The following DHRS9 variants were observed in gnomAD, a reference collection of about 807,000 sequenced individuals.
DHRS9 encodes the protein dehydrogenase/reductase 9.
In DHRS9, 18 loss-of-function variants were observed where a neutral mutation model predicts 26.6. The observed-to-expected ratio is 0.68, with a 90% CI of 0.47 to 1.00. The LOEUF is 1.00. DHRS9 is among the 50% of genes least tolerant of loss of function. The pLI, the probability that DHRS9 is intolerant of heterozygous loss-of-function variation, is 0.00. For missense variants in DHRS9, 425 were observed against 378.7 expected, an observed-to-expected ratio of 1.12 and a Z score of -1.01; for synonymous variants, 134 against 141.1, an observed-to-expected ratio of 0.95 and a Z score of 0.36.
At chr2:169,077,767 A>G (rs1271661218) in intron 1 of DHRS9, among the ~76,000 whole-genome samples, 1 of 152,190 alleles carries the variant, frequency 6.6e-6, no homozygotes, top group Non-Finnish European at 1.5e-5. Flanking sequence ...AGGGGCTGGT[A>G]ACCCAGTTTC....
upstream of DHRS9, among the ~76,000 whole-genome samples, chr2:169,068,674 T>C (rs1043620486): frequency 1.3e-5 from 2 of 152,228 alleles, no homozygotes; most frequent in Non-Finnish European, 2.9e-5. Flanking sequence ...TAGACAGATA[T>C]GTTCATTCAT....
At chr2:169,074,291 G>A (rs1039917728) in intron 1 of DHRS9, 77 of 985,408 alleles carry the variant, frequency 7.8e-5, no homozygotes, top group Middle Eastern at 1.0e-3. Context: ...TAATTTGTCC[G>A]AGGGCCCTCT....
At chr2:169,072,520 G>A in intron 1 of DHRS9, 1 of 668,604 alleles carries the variant, frequency 1.5e-6, no homozygotes, top group African/African-American at 2.0e-5. Flanking sequence ...AAGAAACAGA[G>A]GAAGGTGAAT....
intron 1 of DHRS9, among the ~76,000 whole-genome samples, chr2:169,079,585 G>A (rs1276272076): frequency 1.3e-5 from 2 of 151,906 alleles, no homozygotes; most frequent in Non-Finnish European, 2.9e-5. Context: ...TGGGCGTGGT[G>A]GCTCACGCCT....
At chr2:169,084,777 G>A (rs1177730317) in intron 3 of DHRS9, among the ~76,000 whole-genome samples, 1 of 152,092 alleles carries the variant, frequency 6.6e-6, no homozygotes, top group African/African-American at 2.4e-5. Context: ...CCCATTCTAT[G>A]TGTTGTCTTT....
At chr2:169,070,888 C>A in intron 1 of DHRS9, 2 of 323,194 alleles carry the variant, frequency 6.2e-6, no homozygotes, top group Non-Finnish European at 8.9e-6. Context: ...CACGGTGAAA[C>A]CTGGTCTCTA....
chr2:169,087,296 G>C (rs1327376018), intron 3 of DHRS9, among the ~76,000 whole-genome samples: 1 of 152,148 alleles, frequency 6.6e-6, no homozygotes, highest in Non-Finnish European at 1.5e-5. Context: ...GCCTGGCTAT[G>C]ACCAATGTTT....
At chr2:169,078,408 G>T (rs1684029301) in intron 1 of DHRS9, among the ~76,000 whole-genome samples, 1 of 152,184 alleles carries the variant, frequency 6.6e-6, no homozygotes, top group Non-Finnish European at 1.5e-5. Flanking sequence ...AGACTGCAAT[G>T]AAAGCTGCAG....
chr2:169,081,816 A>G lies in DHRS9; in HGVS notation c.235A>G (p.Thr79Ala). 6.2e-7 allele frequency: 1 copy of G among 1,614,196 alleles called. No homozygotes were observed. Among genetic ancestry groups the G allele is most frequent in the Non-Finnish European group, 8.5e-7 (1 of 1,180,034 alleles). Residue 79 changes from threonine (T) to alanine (A), a missense_variant, in exon 2 of 5, where the codon ACT (threonine) becomes GCT (alanine). Thr to Ala is a moderately conservative substitution (Grantham distance 58). Coordinates refer to ENST00000674881, the MANE Select transcript of DHRS9 (RefSeq NM_001376924.1). ...GGCAGAAACCTCAGAGAGACTTCGT[A>G]CTGTGCTTCTGGATGTGACCGACCC... ...LKAETSERLR[T>A]VLLDVTDPEN...
intron 3 of DHRS9, among the ~76,000 whole-genome samples, chr2:169,090,908 C>T (rs940681770): frequency 6.6e-6 from 1 of 152,152 alleles, no homozygotes; most frequent in African/African-American, 2.4e-5. Flanking sequence ...CCCCGTCAGC[C>T]GTTGCAATCA....
Position 169,069,645 on chromosome 2 carries a change from G to T in DHRS9, c.-132G>T. The T allele has an allele frequency of 2.0e-6, 2 of 985,470 alleles. No homozygotes were observed. Among genetic ancestry groups the T allele is most frequent in the South Asian group, 4.7e-5 (1 of 21,286 alleles). The allele number at this position is 985,470 out of a possible 1,614,324, so 61.0% of individuals were successfully genotyped here. On this transcript the variant is annotated 5_prime_UTR_variant, in exon 1 of 5. Transcript: ENST00000674881. ...GGTGGCACAACTCTTCCTTCCCCGT[G>T]CACAGCAGGAAAGCTGCCATCAGCT...
intron 1 of DHRS9, among the ~76,000 whole-genome samples, chr2:169,073,462 A>C (rs1385991482): frequency 6.6e-6 from 1 of 152,252 alleles, no homozygotes; most frequent in Non-Finnish European, 1.5e-5. Flanking sequence ...GACTTGGTCA[A>C]CCAGGAACTT....
At position 169,096,085 on chromosome 2, in the gene DHRS9, G is replaced by A. The variant is rs983346587; in HGVS notation, c.*318G>A. On this transcript the variant is annotated 3_prime_UTR_variant, in exon 5 of 5. Coordinates refer to ENST00000674881, the MANE Select transcript of DHRS9 (RefSeq NM_001376924.1). ...TGATCTTTACCGTGGCCTGCCCCAT[G>A]CTTATGGTCCCCAGCATTTACAGTA... 2.6e-5 allele frequency: 9 copies of A among 341,424 alleles called. No individual in the cohort carries two copies. The South Asian group carries it at 2.8e-4, about 11-fold the overall frequency. 21.1% of individuals were successfully genotyped at this position (341,424 alleles called of 1,614,324 possible).
rs147428789 is a variant in DHRS9, at chr2:169,077,458, A to G, written c.-59-4065A>G. ...TTTGAAGTAGTAATCAGCATTAATC[A>G]TATTTTGAGATAATTCCAACAAATG... On this transcript the variant is annotated intron_variant, in intron 1 of 4. Coordinates refer to ENST00000674881, the MANE Select transcript of DHRS9 (RefSeq NM_001376924.1). 5.3e-4 allele frequency among the ~76,000 whole-genome samples: 81 copies of G among 152,338 alleles called. 1 individual carries two copies. In the East Asian group the frequency reaches 0.015, roughly 28 times the overall value.
At chr2:169,076,593 C>G (rs1280146460) in intron 1 of DHRS9, among the ~76,000 whole-genome samples, 1 of 152,228 alleles carries the variant, frequency 6.6e-6, no homozygotes, top group Non-Finnish European at 1.5e-5. Context: ...TCCCACTCCA[C>G]AGAGTTCATT....
intron 2 of DHRS9, 87 bp downstream of exon 2, chr2:169,081,981 A>T: frequency 7.5e-7 from 1 of 1,332,680 alleles, no homozygotes; most frequent in Non-Finnish European, 1.0e-6. Context: ...CAAGTTTTAA[A>T]TGGCCTTTCG....
Position 169,081,830 on chromosome 2 carries a change from T to A in DHRS9, c.249T>A (p.Asp83Glu), listed in dbSNP as rs775509727. The change falls in exon 2 of 5, where the codon GAT becomes GAA. Residue 83 changes from aspartate (D) to glutamate (E), a missense_variant. Asp to Glu is a conservative substitution (Grantham distance 45, BLOSUM62 2). Coordinates refer to ENST00000674881, the MANE Select transcript of DHRS9 (RefSeq NM_001376924.1). ...TSERLRTVLL[D>E]VTDPENVKRT... ...AGAGACTTCGTACTGTGCTTCTGGA[T>A]GTGACCGACCCAGAGAATGTCAAGA... 4 of 1,614,072 alleles carry A rather than the reference T, an allele frequency of 2.5e-6. No homozygotes were observed. Among genetic ancestry groups the A allele is most frequent in the South Asian group, 2.2e-5 (2 of 91,068 alleles).
chr2:169,079,710 C>T (rs181193362), intron 1 of DHRS9, among the ~76,000 whole-genome samples: 4 of 151,222 alleles, frequency 2.6e-5, no homozygotes, highest in Middle Eastern at 6.8e-3. Flanking sequence ...AAAAATTAGC[C>T]GGGTGCCTGT....
upstream of DHRS9, chr2:169,067,407 A>G: frequency 2.3e-6 from 3 of 1,304,886 alleles, no homozygotes; most frequent in Non-Finnish European, 3.1e-6. Context: ...ATGTTTTGGT[A>G]TTTGGAAAGG....
Sources: allele counts gnomAD v4.1 joint callset (sites outside exome capture counted in the v4.1 genomes callset), GRCh38; gene constraint gnomAD v4.1.1; transcripts MANE v1.5; gene names NCBI Gene and HGNC (gene_info 2026-07-23, HGNC 2026-07-21).